Variants in SPECC1 observed in about 807,000 individuals in gnomAD.
SPECC1 encodes cytospin-B.
Under a neutral mutation model 104.1 loss-of-function variants are expected in SPECC1, and 62 were observed. The observed-to-expected ratio is 0.60, with a 90% CI of 0.49 to 0.74. The LOEUF (loss-of-function observed/expected upper bound fraction) is 0.74. Ranked by LOEUF, SPECC1 falls within the 30% of genes least tolerant of loss-of-function variation. The pLI, the probability that SPECC1 is intolerant of heterozygous loss-of-function variation, is 0.00. For synonymous variants in SPECC1, 513 were observed against 501.6 expected, an observed-to-expected ratio of 1.02 and a Z score of -0.30; for missense variants, 1,306 against 1,310.5, an observed-to-expected ratio of 1.00 and a Z score of 0.05.
chr17:20,098,844 C>T (rs1423867712), intron 2 of SPECC1, among the ~76,000 whole-genome samples: 1 of 152,218 alleles, frequency 6.6e-6, no homozygotes, highest in Non-Finnish European at 1.5e-5. Context: ...AAGTAAGCCC[C>T]CTGCAGACAG....
intron 1 of SPECC1, among the ~76,000 whole-genome samples, chr17:20,051,076 CTTTCTTTCTT>C (rs2045734353): frequency 1.8e-5 from 1 of 57,122 alleles, no homozygotes; most frequent in African/African-American, 7.2e-5. Context: ...CTTTTTCTTT[CTTTCTTTCTT>C]TCTTTCTTTC....
intron 13 of SPECC1, among the ~76,000 whole-genome samples, chr17:20,299,220 AACTG>A (rs2041478257): frequency 6.6e-6 from 1 of 151,794 alleles, no homozygotes; most frequent in Admixed American, 6.6e-5. Flanking sequence ...CACCCACACT[AACTG>A]GGGTCATTTG....
At chr17:20,286,110 T>C (rs1372365241) in intron 12 of SPECC1, among the ~76,000 whole-genome samples, 1 of 152,154 alleles carries the variant, frequency 6.6e-6, no homozygotes, top group African/African-American at 2.4e-5. Context: ...CATGACCTCC[T>C]TTTTAATTGA....
At chr17:20,105,515 T>G (rs1319558830) in intron 2 of SPECC1, among the ~76,000 whole-genome samples, 3 of 152,150 alleles carry the variant, frequency 2.0e-5, no homozygotes, top group Non-Finnish European at 4.4e-5. Flanking sequence ...CCAAGTCTTC[T>G]TTTGCATGTC....
chr17:20,192,923 C>T lies in SPECC1; in HGVS notation c.284-11410C>T, dbSNP rs375078923. ...ACCTTAAGAGAGGATTCTTGGATCT[C>T]GCACAAGAATGAATTCAGGGCAAGT... On this transcript the variant is annotated intron_variant, in intron 3 of 14. Coordinates refer to ENST00000395527, the MANE Select transcript of SPECC1 (RefSeq NM_001243439.2). 2.4e-3 allele frequency among the ~76,000 whole-genome samples: 370 copies of T among 152,024 alleles called. 15 individuals are homozygous for T. The South Asian group carries it at 0.073, about 30-fold the overall frequency.
chr17:20,262,261 T>C (rs1175590286), intron 12 of SPECC1, among the ~76,000 whole-genome samples: 8 of 152,214 alleles, frequency 5.3e-5, no homozygotes, highest in Non-Finnish European at 1.2e-4. Flanking sequence ...ATAACGCTGT[T>C]ATGTTCTTGT....
At chr17:20,020,363 T>C (rs1170984675) in intron 1 of SPECC1, among the ~76,000 whole-genome samples, 1 of 151,680 alleles carries the variant, frequency 6.6e-6, no homozygotes, top group East Asian at 1.9e-4. Context: ...TGAGACAGAG[T>C]CTTACTCTGT....
At chr17:20,253,482 T>C in intron 9 of SPECC1, 23 bp from the exon 10 acceptor site, 3 of 1,613,316 alleles carry the variant, frequency 1.9e-6, no homozygotes, top group Non-Finnish European at 1.7e-6. Flanking sequence ...CTCACCGTGC[T>C]GGTGTCCCCC....
chr17:20,246,203 A>G (rs1567980789), intron 8 of SPECC1, 132 bp downstream of exon 8: 13 of 1,021,236 alleles, frequency 1.3e-5, no homozygotes, highest in Non-Finnish European at 1.8e-5. Flanking sequence ...AGGTCCTACC[A>G]CGTGCAGCCA....
intron 3 of SPECC1, among the ~76,000 whole-genome samples, chr17:20,145,565 T>C (rs1007521382): frequency 1.3e-5 from 2 of 152,136 alleles, no homozygotes; most frequent in African/African-American, 4.8e-5. Flanking sequence ...AGAAGAAGGT[T>C]TCAGTATCTC....
At chr17:20,226,717 G>A (rs559192948) in intron 4 of SPECC1, among the ~76,000 whole-genome samples, 2 of 152,246 alleles carry the variant, frequency 1.3e-5, no homozygotes, top group African/African-American at 2.4e-5. Context: ...CGATTGTGCC[G>A]TGCCACTTTT....
intron 1 of SPECC1, among the ~76,000 whole-genome samples, chr17:20,030,048 T>C (rs2044748034): frequency 6.6e-6 from 1 of 152,194 alleles, no homozygotes; most frequent in Non-Finnish European, 1.5e-5. Context: ...ACAGGGAGCA[T>C]GGCCCTGTAC....
chr17:20,129,947 T>A, intron 3 of SPECC1, among the ~76,000 whole-genome samples: 1 of 151,522 alleles, frequency 6.6e-6, no homozygotes, highest in East Asian at 1.9e-4. Context: ...AGAAACTGGG[T>A]TTCACTATGT....
At chr17:20,229,501 C>CA (rs936137429) in intron 5 of SPECC1, among the ~76,000 whole-genome samples, 9 of 151,912 alleles carry the variant, frequency 5.9e-5, no homozygotes, top group East Asian at 5.8e-4. Flanking sequence ...CCTGTCTTGA[C>CA]AAAAAAATAA....
intron 4 of SPECC1, among the ~76,000 whole-genome samples, chr17:20,215,587 T>C (rs2037436001): frequency 6.6e-6 from 1 of 152,236 alleles, no homozygotes; most frequent in Non-Finnish European, 1.5e-5. Context: ...GTACCATGTT[T>C]TTGGCATGTA....
intron 1 of SPECC1, among the ~76,000 whole-genome samples, chr17:20,083,344 A>G (rs537964310): frequency 6.6e-6 from 1 of 152,330 alleles, no homozygotes; most frequent in Non-Finnish European, 1.5e-5. Context: ...AAGAGAGGAC[A>G]TAGACAAAAT....
At chr17:20,105,245 A>T (rs1257982089) in intron 2 of SPECC1, among the ~76,000 whole-genome samples, 1 of 152,188 alleles carries the variant, frequency 6.6e-6, no homozygotes. Context: ...ACGCAGTGCC[A>T]CACCCCACTA....
At chr17:20,162,959 C>T (rs183644608) in intron 3 of SPECC1, among the ~76,000 whole-genome samples, 30 of 152,236 alleles carry the variant, frequency 2.0e-4, no homozygotes, top group Admixed American at 5.9e-4. Context: ...ACCTGGGAGG[C>T]GGAGGTTGCG....
At chr17:20,159,106 G>T (rs920756039) in intron 3 of SPECC1, among the ~76,000 whole-genome samples, 1 of 151,916 alleles carries the variant, frequency 6.6e-6, no homozygotes, top group Non-Finnish European at 1.5e-5. Context: ...CACTATGCCC[G>T]CCTAATTTTT....
Sources: allele counts gnomAD v4.1 joint callset (sites outside exome capture counted in the v4.1 genomes callset), GRCh38; gene constraint gnomAD v4.1.1; transcripts MANE v1.5; gene names NCBI Gene and HGNC (gene_info 2026-07-23, HGNC 2026-07-21).